The following EYA2 variants were observed in gnomAD, a reference collection of about 807,000 sequenced individuals.
EYA2 encodes the protein EYA transcriptional coactivator and phosphatase 2.
In EYA2, 31 loss-of-function variants were observed where a neutral mutation model predicts 69.2. The ratio of observed to expected loss-of-function variants is 0.45; its 90% CI spans 0.34 to 0.60. The LOEUF (loss-of-function observed/expected upper bound fraction) is 0.60. EYA2 is among the 20% of genes least tolerant of loss of function. The pLI, the probability that EYA2 is intolerant of heterozygous loss-of-function variation, is 0.02. For missense variants in EYA2, 622 were observed against 701.2 expected (o/e 0.89, Z 1.28); for synonymous variants, 257 against 279.4 (o/e 0.92, Z 0.80).
At chr20:47,169,225 C>CATTG (rs746539450) in intron 11 of EYA2, 28 bp downstream of exon 11, 28 of 1,600,850 alleles carry the variant, frequency 1.7e-5, no homozygotes, top group East Asian at 8.9e-5. Flanking sequence ...CAAAAATGCC[C>CATTG]ATTGATTGAT....
chr20:47,091,034 C>T lies in EYA2; in HGVS notation c.804+1653C>T, dbSNP rs873303. ...GTGCCAGGCAGTTCAAGTACACCAG[C>T]GTCACATCCCTATTTATAATCTGTA... On this transcript the variant is annotated intron_variant, in intron 8 of 15. Coordinates refer to ENST00000327619, the MANE Select transcript of EYA2 (RefSeq NM_005244.5). Among the ~76,000 whole-genome samples the T allele has an allele frequency of 7.7e-3, 1,167 of 152,194 alleles. 10 individuals carry two copies. Among genetic ancestry groups the T allele is most frequent in the African/African-American group, 0.027 (1,101 of 41,514 alleles).
rs781279227 is a variant in EYA2, at chr20:47,074,351, G to A, written c.661+16G>A. On this transcript the variant is annotated intron_variant, in intron 7 of 15. Transcript: ENST00000327619. The stretch of plus-strand genomic sequence containing the variant: ...TCACTTGCTGGTAGGTGCAGTCACT[G>A]GTGGGGCCATTCATGGCTGTGGTCT... 35 of 1,612,458 alleles carry A rather than the reference G, an allele frequency of 2.2e-5. No individual in the cohort carries two copies. The highest frequency in any genetic ancestry group is 1.3e-5 in the Non-Finnish European group (15 of 1,178,892).
At chr20:46,990,586 C>T (rs1379469701) in intron 2 of EYA2, among the ~76,000 whole-genome samples, 1 of 152,178 alleles carries the variant, frequency 6.6e-6, no homozygotes, top group Non-Finnish European at 1.5e-5. Flanking sequence ...GTCAAGGAAG[C>T]AGAGAAGAAT....
intron 5 of EYA2, among the ~76,000 whole-genome samples, chr20:47,071,373 A>G (rs920008534): frequency 1.3e-5 from 2 of 152,156 alleles, no homozygotes; most frequent in East Asian, 3.8e-4. Flanking sequence ...AGTGGCCATA[A>G]TCAAGAAGAC....
chr20:46,965,097 G>A (rs1431563665), intron 1 of EYA2, among the ~76,000 whole-genome samples: 2 of 152,146 alleles, frequency 1.3e-5, no homozygotes, highest in Non-Finnish European at 2.9e-5. Context: ...ACACTTAACT[G>A]CCTGCATCGC....
chr20:47,045,957 A>C (rs964715246), intron 5 of EYA2, among the ~76,000 whole-genome samples: 1 of 152,194 alleles, frequency 6.6e-6, no homozygotes, highest in African/African-American at 2.4e-5. Flanking sequence ...ACGACAGCTA[A>C]CATCTTAAGG....
chr20:47,024,011 T>C (rs1325240362), intron 5 of EYA2, among the ~76,000 whole-genome samples: 1 of 152,174 alleles, frequency 6.6e-6, no homozygotes, highest in Non-Finnish European at 1.5e-5. Context: ...ACAGATAGAA[T>C]CCAGTTGTAG....
At chr20:46,914,057 C>T (rs78457605) in intron 1 of EYA2, among the ~76,000 whole-genome samples, 2,752 of 152,276 alleles carry the variant, frequency 0.018, 23 homozygotes, top group Middle Eastern at 0.034. Context: ...TCCTCCTCTT[C>T]GTTTTGAGGA....
At chr20:46,994,113 G>T (rs574077103) in intron 2 of EYA2, among the ~76,000 whole-genome samples, 1 of 152,242 alleles carries the variant, frequency 6.6e-6, no homozygotes, top group African/African-American at 2.4e-5. Context: ...ATAACTTTAG[G>T]GAGATATTGG....
intron 9 of EYA2, among the ~76,000 whole-genome samples, chr20:47,113,066 T>A (rs964413117): frequency 2.6e-5 from 4 of 151,112 alleles, no homozygotes; most frequent in African/African-American, 9.7e-5. Flanking sequence ...GAGGTGGGGG[T>A]TTCACCATGT....
intron 9 of EYA2, among the ~76,000 whole-genome samples, chr20:47,106,567 T>TA (rs2032585421): frequency 6.6e-6 from 1 of 152,090 alleles, no homozygotes; most frequent in South Asian, 2.1e-4. Context: ...TCTGTCCACT[T>TA]ACGACACTGC....
At chr20:47,034,058 G>A (rs1367714066) in intron 5 of EYA2, among the ~76,000 whole-genome samples, 3 of 152,232 alleles carry the variant, frequency 2.0e-5, no homozygotes, top group African/African-American at 4.8e-5. Flanking sequence ...TCTATTTGAT[G>A]CTGATATATC....
intron 10 of EYA2, among the ~76,000 whole-genome samples, chr20:47,149,524 AC>A (rs953544235): frequency 2.6e-5 from 4 of 151,938 alleles, no homozygotes; most frequent in African/African-American, 9.7e-5. Context: ...GCTGGGCATC[AC>A]ATTCTTCTTG....
At chr20:47,014,361 GA>G (rs1983271966) in intron 4 of EYA2, among the ~76,000 whole-genome samples, 1 of 152,148 alleles carries the variant, frequency 6.6e-6, no homozygotes, top group South Asian at 2.1e-4. Context: ...AGCAGAACTA[GA>G]AATGTTCTTG....
intron 5 of EYA2, among the ~76,000 whole-genome samples, chr20:47,071,139 A>G (rs1457004197): frequency 1.3e-5 from 2 of 151,888 alleles, no homozygotes; most frequent in Non-Finnish European, 2.9e-5. Context: ...CCTCCCTAGT[A>G]GCTGGGATTA....
intron 15 of EYA2, among the ~76,000 whole-genome samples, chr20:47,186,097 A>T (rs6122564): frequency 1.3e-5 from 2 of 151,866 alleles, no homozygotes; most frequent in African/African-American, 2.4e-5. Flanking sequence ...AGACACACAA[A>T]GCTGCTTTCT....
chr20:47,188,497 C>T lies in EYA2; in HGVS notation c.*364C>T, dbSNP rs1158061236. 2 of 520,054 alleles carry T rather than the reference C, an allele frequency of 3.8e-6. No individual in the cohort carries two copies. Among genetic ancestry groups the T allele is most frequent in the African/African-American group, 3.8e-5 (2 of 53,054 alleles). 32.2% of individuals were successfully genotyped at this position (520,054 alleles called of 1,614,324 possible). A position where few individuals can be genotyped will look rare whatever the true frequency, so the allele number is the denominator to read the frequency against. ...TTTAATTTATGGACTAGTCTCATTA[C>T]TCCGGAATTATGCTCTTGTACCTGT... On this transcript the variant is annotated 3_prime_UTR_variant, in exon 16 of 16. Coordinates refer to ENST00000327619, the MANE Select transcript of EYA2 (RefSeq NM_005244.5).
intron 10 of EYA2, among the ~76,000 whole-genome samples, chr20:47,163,488 C>T (rs891940846): frequency 4.6e-5 from 7 of 151,934 alleles, no homozygotes; most frequent in African/African-American, 1.2e-4. Context: ...CATCTGAGGT[C>T]GGGAGTTCAA....
intron 9 of EYA2, among the ~76,000 whole-genome samples, chr20:47,097,448 C>G (rs987208938): frequency 2.0e-5 from 3 of 152,222 alleles, no homozygotes; most frequent in Non-Finnish European, 4.4e-5. Context: ...TCAGCCGTCT[C>G]CCTTCCTAAG....
Sources: gnomAD v4.1 joint callset for allele counts (sites outside exome capture counted in the v4.1 genomes callset) on GRCh38, gnomAD v4.1.1 for gene constraint, MANE v1.5 for transcripts, NCBI Gene and HGNC (gene_info 2026-07-23, HGNC 2026-07-21) for gene names.